Variants in COL19A1 observed in about 807,000 individuals in gnomAD.
COL19A1 encodes collagen type XIX alpha 1 chain.
COL19A1 carries 159 observed loss-of-function variants against 190.2 expected under a neutral mutation model. The observed-to-expected ratio is 0.84, with a 90% CI of 0.73 to 0.95. The LOEUF (loss-of-function observed/expected upper bound fraction) is 0.95, where lower values mean the gene tolerates loss of function less well. Among genes scored for constraint, COL19A1 ranks in the 40% least tolerant of loss-of-function variants. COL19A1 has a pLI of 0.00. For synonymous variants in COL19A1, 509 were observed against 458.9 expected (o/e 1.11, Z -1.39); for missense variants, 1,418 against 1,431.9 (o/e 0.99, Z 0.16).
At chr6:69,896,134 C>G (rs1263708338) in intron 2 of COL19A1, among the ~76,000 whole-genome samples, 1 of 151,820 alleles carries the variant, frequency 6.6e-6, no homozygotes, top group Non-Finnish European at 1.5e-5. Flanking sequence ...GCTTGACTGC[C>G]ATGAATATTC....
chr6:70,053,139 T>A (rs986560835), intron 14 of COL19A1, among the ~76,000 whole-genome samples: 1 of 152,212 alleles, frequency 6.6e-6, no homozygotes, highest in Non-Finnish European at 1.5e-5. Context: ...CATGGAAGTC[T>A]TTTTGTATGT....
At chr6:70,179,482 G>A (rs906265775) in intron 42 of COL19A1, among the ~76,000 whole-genome samples, 9 of 152,128 alleles carry the variant, frequency 5.9e-5, no homozygotes, top group Admixed American at 5.2e-4. Context: ...CTCCAGGATC[G>A]GTCATCCAAG....
intron 11 of COL19A1, among the ~76,000 whole-genome samples, chr6:70,003,919 G>C (rs1008141882): frequency 6.6e-6 from 1 of 152,116 alleles, no homozygotes. Context: ...TCATCATGAT[G>C]CTATCTGGTT....
chr6:70,069,524 C>T (rs1338495617), intron 15 of COL19A1, among the ~76,000 whole-genome samples: 1 of 152,086 alleles, frequency 6.6e-6, no homozygotes, highest in Admixed American at 6.6e-5. Flanking sequence ...ATTGGCTTTC[C>T]AGAGTTGTCG....
intron 13 of COL19A1, among the ~76,000 whole-genome samples, chr6:70,034,853 C>A (rs1259078341): frequency 6.6e-6 from 1 of 152,138 alleles, no homozygotes; most frequent in South Asian, 2.1e-4. Flanking sequence ...ATGTGTTTTG[C>A]AATGCATTTT....
intron 1 of COL19A1, among the ~76,000 whole-genome samples, chr6:69,868,200 G>GAA (rs543690440): frequency 0.014 from 1,993 of 142,980 alleles, 19 homozygotes; most frequent in Non-Finnish European, 0.023. Context: ...AGACTAAAGG[G>GAA]AAAAAAAAAA....
intron 11 of COL19A1, chr6:69,973,835 T>C (rs1775566240): frequency 6.6e-6 from 1 of 152,216 alleles, no homozygotes; most frequent in South Asian, 2.1e-4. Context: ...TTATTTTTAT[T>C]CAGGAGCTAC....
intron 11 of COL19A1, among the ~76,000 whole-genome samples, chr6:69,995,909 T>A (rs1582636609): frequency 6.6e-6 from 1 of 152,118 alleles, no homozygotes; most frequent in South Asian, 2.1e-4. Flanking sequence ...TGCAATTAGG[T>A]GAGGAATCTT....
intron 11 of COL19A1, among the ~76,000 whole-genome samples, chr6:70,005,135 G>T (rs1345150759): frequency 6.6e-6 from 1 of 152,050 alleles, no homozygotes; most frequent in Non-Finnish European, 1.5e-5. Context: ...TCCATCTTCT[G>T]AAGCCTACTT....
At chr6:69,888,509 G>GA (rs752517731) in intron 2 of COL19A1, among the ~76,000 whole-genome samples, 100 of 144,192 alleles carry the variant, frequency 6.9e-4, no homozygotes, top group Middle Eastern at 3.6e-3. Context: ...GAGAAGAAAG[G>GA]AAAAAAAAAA....
chr6:69,940,471 G>T (rs887154878), intron 9 of COL19A1, among the ~76,000 whole-genome samples: 3 of 151,670 alleles, frequency 2.0e-5, no homozygotes, highest in Non-Finnish European at 4.4e-5. Context: ...AAAAGAACTA[G>T]GAAAAATTAA....
intron 44 of COL19A1, among the ~76,000 whole-genome samples, chr6:70,181,658 C>CACAA (rs1002347240): frequency 6.7e-6 from 1 of 148,264 alleles, no homozygotes; most frequent in African/African-American, 2.5e-5. Flanking sequence ...ATAAAAACAA[C>CACAA]ACACACACAC....
At chr6:70,007,658 T>C (rs1777714698) in intron 11 of COL19A1, among the ~76,000 whole-genome samples, 1 of 151,940 alleles carries the variant, frequency 6.6e-6, no homozygotes, top group African/African-American at 2.4e-5. Flanking sequence ...ACAATTATAT[T>C]TAAAGATTTC....
intron 9 of COL19A1, among the ~76,000 whole-genome samples, chr6:69,945,716 C>A (rs1773754760): frequency 6.6e-6 from 1 of 151,858 alleles, no homozygotes; most frequent in Non-Finnish European, 1.5e-5. Context: ...CTCATGTAAT[C>A]TACAGGAATT....
intron 4 of COL19A1, among the ~76,000 whole-genome samples, chr6:69,923,335 C>G (rs1772125012): frequency 6.6e-6 from 1 of 152,126 alleles, no homozygotes; most frequent in African/African-American, 2.4e-5. Context: ...GCTTCAGAAT[C>G]ACAGTGAAAA....
chr6:70,076,493 A>G (rs572434739), intron 15 of COL19A1, among the ~76,000 whole-genome samples: 2 of 152,340 alleles, frequency 1.3e-5, no homozygotes, highest in East Asian at 3.9e-4. Flanking sequence ...GTCTCCACAC[A>G]TTGTGATGAG....
chr6:70,183,246 C>T (rs574324352), intron 44 of COL19A1, among the ~76,000 whole-genome samples: 26 of 152,210 alleles, frequency 1.7e-4, no homozygotes, highest in African/African-American at 6.0e-4. Flanking sequence ...CAATCAGCTG[C>T]TCAGATGCAG....
chr6:70,137,273 A>G (rs1185034137), intron 18 of COL19A1, among the ~76,000 whole-genome samples: 1 of 152,124 alleles, frequency 6.6e-6, no homozygotes, highest in Non-Finnish European at 1.5e-5. Context: ...CTAAACAAAG[A>G]AAAAAGTGCC....
At chr6:69,905,719 C>T (rs977321696) in intron 4 of COL19A1, among the ~76,000 whole-genome samples, 2 of 152,206 alleles carry the variant, frequency 1.3e-5, no homozygotes, top group South Asian at 2.1e-4. Context: ...AAAGCACAGC[C>T]GTGTTCCTTA....
Sources: gnomAD v4.1 joint callset for allele counts (sites outside exome capture counted in the v4.1 genomes callset) on GRCh38, gnomAD v4.1.1 for gene constraint, MANE v1.5 for transcripts, NCBI Gene and HGNC (gene_info 2026-07-23, HGNC 2026-07-21) for gene names.